SIDT1: variants seen among roughly 807,000 people sequenced by gnomAD.
SIDT1 encodes SID1 transmembrane family member 1.
SIDT1 carries 101 observed loss-of-function variants against 107.5 expected under a neutral mutation model. That is an observed-to-expected ratio of 0.94 (90% CI 0.80 to 1.11). The LOEUF is 1.11. Ranked by LOEUF, SIDT1 falls within the 50% of genes least tolerant of loss-of-function variation. The pLI, the probability that SIDT1 is intolerant of heterozygous loss-of-function variation, is 0.00. For synonymous variants in SIDT1, 395 were observed against 398.2 expected, an observed-to-expected ratio of 0.99 and a Z score of 0.10; for missense variants, 1,076 against 1,058.2, an observed-to-expected ratio of 1.02 and a Z score of -0.23.
At chr3:113,625,461 G>A (rs1016522101) in intron 23 of SIDT1, among the ~76,000 whole-genome samples, 2 of 151,976 alleles carry the variant, frequency 1.3e-5, no homozygotes, top group African/African-American at 4.8e-5. Context: ...TTAGTTTTTT[G>A]AGGAACTTCC....
rs542027556 is a variant in SIDT1 at position 113,614,413 on chromosome 3, G to A, written c.1967-1687G>A. Among the ~76,000 whole-genome samples the A allele has an allele frequency of 1.8e-4, 27 of 152,258 alleles. 1 individual carries two copies. The South Asian group carries it at 4.8e-3, about 27-fold the overall frequency. On this transcript the variant is annotated intron_variant, in intron 19 of 24. Coordinates refer to ENST00000264852, the MANE Select transcript of SIDT1 (RefSeq NM_017699.3). The stretch of plus-strand genomic sequence containing the variant: ...GTTTAACTGAATATTTTCCATTTCC[G>A]TACCCATGGAGTCTTCCCCAGGTGG...
chr3:113,560,418 C>G (rs1448714557), intron 1 of SIDT1, among the ~76,000 whole-genome samples: 1 of 152,180 alleles, frequency 6.6e-6, no homozygotes, highest in Non-Finnish European at 1.5e-5. Context: ...GCACAGTTGC[C>G]TTTAGAATAT....
chr3:113,593,268 C>T (rs1029895238), intron 10 of SIDT1, among the ~76,000 whole-genome samples: 4 of 152,168 alleles, frequency 2.6e-5, no homozygotes, highest in Non-Finnish European at 5.9e-5. Flanking sequence ...GGTACTGATC[C>T]GTGGCCTGTT....
intron 4 of SIDT1, among the ~76,000 whole-genome samples, chr3:113,577,684 A>T (rs1943011769): frequency 2.0e-5 from 3 of 152,226 alleles, no homozygotes; most frequent in Admixed American, 2.0e-4. Context: ...AGCATGTTCG[A>T]AACAAGTTTA....
At chr3:113,564,797 C>T (rs552524694) in intron 1 of SIDT1, among the ~76,000 whole-genome samples, 20 of 152,278 alleles carry the variant, frequency 1.3e-4, no homozygotes, top group South Asian at 1.2e-3. Flanking sequence ...AAAGAGATCT[C>T]GCTAGAGATA....
intron 1 of SIDT1, among the ~76,000 whole-genome samples, chr3:113,561,166 C>T (rs539297975): frequency 2.1e-4 from 32 of 152,264 alleles, no homozygotes; most frequent in Admixed American, 9.8e-4. Flanking sequence ...CAGCTTTCTT[C>T]GCTGCTGCAA....
Position 113,532,983 on chromosome 3 carries a change from A to T in SIDT1, c.-39A>T, listed in dbSNP as rs1937629067. The stretch of plus-strand genomic sequence containing the variant: ...CCCTCTCTGCGCTCGCCCCCTCCCC[A>T]GGGTGGCTCCGCTTTCGAGCCCGGG... On this transcript the variant is annotated 5_prime_UTR_variant, in exon 1 of 25. Transcript: ENST00000264852. The T allele has an allele frequency of 7.7e-7, 1 of 1,301,126 alleles. No individual in the cohort carries two copies. The highest frequency in any genetic ancestry group is 9.8e-7 in the Non-Finnish European group (1 of 1,018,588). 80.6% of individuals were successfully genotyped at this position (1,301,126 alleles called of 1,614,324 possible).
chr3:113,599,393 T>C (rs2107647742), intron 10 of SIDT1, among the ~76,000 whole-genome samples: 2 of 152,352 alleles, frequency 1.3e-5, no homozygotes, highest in Middle Eastern at 3.4e-3. Context: ...GAGATGCAAA[T>C]GAGCCTCAAC....
chr3:113,541,365 T>C (rs13353449), intron 1 of SIDT1, among the ~76,000 whole-genome samples: 6,941 of 152,254 alleles, frequency 0.046, 282 homozygotes, highest in African/African-American at 0.1. Flanking sequence ...AGAAGGGGTC[T>C]TACCATGTTG....
In SIDT1 at chr3:113,629,293, T is replaced by C. The variant is rs1385578972; in HGVS notation, c.*1585T>C. On this transcript the variant is annotated 3_prime_UTR_variant, in exon 25 of 25. Transcript: ENST00000264852. ...GTCCCCAAATGTGTACTTAGCCTTCTGTTATTCCTTATTCTTTAAGCAGTG... is the reference window on the plus strand; with the variant it reads ...GTCCCCAAATGTGTACTTAGCCTTCCGTTATTCCTTATTCTTTAAGCAGTG... 2.6e-5 allele frequency: 4 copies of C among 152,278 alleles called. No homozygotes were observed. Among genetic ancestry groups the C allele is most frequent in the Non-Finnish European group, 5.9e-5 (4 of 68,048 alleles). 9.4% of individuals were successfully genotyped at this position (152,278 alleles called of 1,614,324 possible).
chr3:113,538,117 A>T (rs1938399651), intron 1 of SIDT1, among the ~76,000 whole-genome samples: 1 of 152,184 alleles, frequency 6.6e-6, no homozygotes, highest in East Asian at 1.9e-4. Flanking sequence ...CAATCCCTCC[A>T]TGAACACTCC....
chr3:113,602,718 T>A (rs1047822112), intron 11 of SIDT1: 1 of 252,424 alleles, frequency 4.0e-6, no homozygotes, highest in Non-Finnish European at 7.5e-6. Flanking sequence ...GAAATAGAAG[T>A]ATAATATTAT....
chr3:113,608,134 C>T lies in SIDT1; in HGVS notation c.1519C>T (p.Leu507=). ...NILSNLGHVL[L]GFLFLLIVLR... Reference sequence around the variant, plus strand: ...TCTCAGCAATCTGGGCCACGTGCTTCTGGGCTTCCTCTTCCTGCTGATAGT... The same window carrying T: ...TCTCAGCAATCTGGGCCACGTGCTTTTGGGCTTCCTCTTCCTGCTGATAGT... The change falls in exon 16 of 25, where the codon CTG becomes TTG. Residue 507 remains leucine, a synonymous_variant. Coordinates refer to ENST00000264852, the MANE Select transcript of SIDT1 (RefSeq NM_017699.3). 6.2e-7 allele frequency: 1 copy of T among 1,612,592 alleles called. No individual in the cohort carries two copies. The highest frequency in any genetic ancestry group is 8.5e-7 in the Non-Finnish European group (1 of 1,179,362).
Position 113,614,432 on chromosome 3 carries a change from C to T in SIDT1, c.1967-1668C>T, listed in dbSNP as rs1945964200. On this transcript the variant is annotated intron_variant, in intron 19 of 24. Coordinates refer to ENST00000264852, the MANE Select transcript of SIDT1 (RefSeq NM_017699.3). ...ATTTCCGTACCCATGGAGTCTTCCC[C>T]AGGTGGTTACAGATGTACCAGAGTC... is the stretch of plus-strand genomic sequence containing the variant. 2.6e-5 allele frequency among the ~76,000 whole-genome samples: 4 copies of T among 152,192 alleles called. No individual in the cohort carries two copies. The South Asian group carries it at 8.3e-4, about 31-fold the overall frequency.
At position 113,532,878 on chromosome 3, in the gene SIDT1, C is replaced by T. The variant is rs1011255725; in HGVS notation, c.-144C>T. The T allele has an allele frequency of 1.8e-5, 9 of 494,966 alleles. No individual in the cohort carries two copies. The highest frequency in any genetic ancestry group is 1.4e-4 in the African/African-American group (7 of 49,334). 30.7% of individuals were successfully genotyped at this position (494,966 alleles called of 1,614,324 possible). A position where few individuals can be genotyped will look rare whatever the true frequency, so the allele number is the denominator to read the frequency against. On this transcript the variant is annotated 5_prime_UTR_variant, in exon 1 of 25. Coordinates refer to ENST00000264852, the MANE Select transcript of SIDT1 (RefSeq NM_017699.3). ...CGGCCCTTCGTCAGCACGCTGCCAG[C>T]CCTGGCCGGCTGGGTTCGCCAGGCA... is the stretch of plus-strand genomic sequence containing the variant.
At chr3:113,589,514 T>C (rs1943984453) in intron 9 of SIDT1, among the ~76,000 whole-genome samples, 2 of 151,108 alleles carry the variant, frequency 1.3e-5, no homozygotes, top group Admixed American at 1.3e-4. Flanking sequence ...TCAGGCCAAA[T>C]TATAACTTCT....
At position 113,603,156 on chromosome 3, in the gene SIDT1, C is replaced by A. The variant is rs1427577503; in HGVS notation, c.1263+6C>A. The stretch of plus-strand genomic sequence containing the variant: ...AAAACATCATCCGGACCAAGGTACC[C>A]ACTCTGCCTCGCCGTACTCTTTGAG... On this transcript the variant is annotated splice_donor_region_variant and intron_variant, in intron 12 of 24. Coordinates refer to ENST00000264852, the MANE Select transcript of SIDT1 (RefSeq NM_017699.3). 6.2e-7 allele frequency: 1 copy of A among 1,612,766 alleles called. No homozygotes were observed. Among genetic ancestry groups the A allele is most frequent in the Non-Finnish European group, 8.5e-7 (1 of 1,179,260 alleles).
At chr3:113,575,956 A>T (rs964479665) in intron 3 of SIDT1, among the ~76,000 whole-genome samples, 8 of 152,242 alleles carry the variant, frequency 5.3e-5, no homozygotes, top group Non-Finnish European at 7.3e-5. Context: ...GCGTTTCAGC[A>T]GCCTGGGGAT....
chr3:113,584,780 G>A lies in SIDT1; in HGVS notation c.907+11G>A, dbSNP rs753577888. 1 of 1,555,986 alleles carries A rather than the reference G, an allele frequency of 6.4e-7. No homozygotes were observed. The highest frequency in any genetic ancestry group is 2.1e-5 in the Admixed American group (1 of 46,928). On this transcript the variant is annotated intron_variant, in intron 8 of 24. Transcript: ENST00000264852. The stretch of plus-strand genomic sequence containing the variant: ...TCCCTTCCATTAAAGGTCAGTGTTG[G>A]CTCCAGAATGCATTGAAGAGATTCC...
Sources: gnomAD v4.1 joint callset for allele counts (sites outside exome capture counted in the v4.1 genomes callset) on GRCh38, gnomAD v4.1.1 for gene constraint, MANE v1.5 for transcripts, NCBI Gene and HGNC (gene_info 2026-07-23, HGNC 2026-07-21) for gene names.